Variants in DAB2IP observed in about 807,000 individuals in gnomAD.
DAB2IP encodes DAB2 interacting protein.
Under a neutral mutation model 107.2 loss-of-function variants are expected in DAB2IP, and 28 were observed. That is an observed-to-expected ratio of 0.26 (90% confidence interval 0.19 to 0.36). The LOEUF is 0.36. DAB2IP is among the 10% of genes least tolerant of loss of function. The pLI, the probability that DAB2IP is intolerant of heterozygous loss-of-function variation, is 1.00. For missense variants in DAB2IP, 1,400 were observed against 1,644.7 expected (o/e 0.85, Z 2.57); for synonymous variants, 755 against 706.4 (o/e 1.07, Z -1.09).
chr9:121,746,310 G>A (rs755509988), intron 3 of DAB2IP, among the ~76,000 whole-genome samples: 8 of 152,196 alleles, frequency 5.3e-5, no homozygotes, highest in Non-Finnish European at 1.0e-4. Context: ...GGTCAGTTGA[G>A]CCCTACAGCC....
chr9:121,572,788 G>C (rs1386128592), intron 1 of DAB2IP, among the ~76,000 whole-genome samples: 2 of 152,154 alleles, frequency 1.3e-5, no homozygotes, highest in South Asian at 2.1e-4. Context: ...ACAGGAGCGG[G>C]GGTTGGGCTC....
chr9:121,614,661 C>A (rs191773462), intron 1 of DAB2IP, among the ~76,000 whole-genome samples: 1 of 151,198 alleles, frequency 6.6e-6, no homozygotes, highest in South Asian at 2.1e-4. Flanking sequence ...TTCTGTTGTG[C>A]GGTTTCTACT....
In DAB2IP at chr9:121,760,909, T is replaced by G. The variant is rs1202290719; in HGVS notation, c.1170+470T>G. 6.6e-6 allele frequency among the ~76,000 whole-genome samples: 1 copy of G among 152,024 alleles called. No homozygotes were observed. The highest frequency in any genetic ancestry group is 1.5e-5 in the Non-Finnish European group (1 of 67,980). Reference sequence around the variant, plus strand: ...CTCACAGCTCTACCTCACCCCACACTCTCACCCAGACACACAGATTGTCAC... The same window carrying G: ...CTCACAGCTCTACCTCACCCCACACGCTCACCCAGACACACAGATTGTCAC... On this transcript the variant is annotated intron_variant, in intron 6 of 15. Coordinates refer to ENST00000408936, the Ensembl canonical transcript of DAB2IP. The surrounding 1 kb of genome is among the most constrained non-coding windows in gnomAD (Gnocchi z 5.9).
Position 121,583,957 on chromosome 9 carries a change from T to C in DAB2IP, c.40+16729T>C, listed in dbSNP as rs560677645. On this transcript the variant is annotated intron_variant, in intron 1 of 16. Coordinates refer to the DAB2IP transcript ENST00000259371. ...ACTTTGGGAGGCTGAGGTGGGAGGA[T>C]CACAAGGTCAAGAGTTTGAGACCAG... Among the ~76,000 whole-genome samples, 13 of 152,128 alleles carry C rather than the reference T, an allele frequency of 8.5e-5. No individual in the cohort carries two copies. In the South Asian group the frequency reaches 2.7e-3, roughly 32 times the overall value.
chr9:121,627,114 CT>C (rs1831676306), intron 1 of DAB2IP, among the ~76,000 whole-genome samples: 1 of 119,220 alleles, frequency 8.4e-6, no homozygotes, highest in South Asian at 3.0e-4. Context: ...TTCTTCACCC[CT>C]ACTCAACACA....
intron 1 of DAB2IP, among the ~76,000 whole-genome samples, chr9:121,595,410 T>C (rs1261058382): frequency 2.0e-5 from 3 of 149,766 alleles, no homozygotes; most frequent in African/African-American, 7.3e-5. Flanking sequence ...GTGGGCAACA[T>C]AGTGAGACCT....
At chr9:121,758,587 G>T (rs1309302314) in intron 4 of DAB2IP, among the ~76,000 whole-genome samples, 4 of 152,154 alleles carry the variant, frequency 2.6e-5, no homozygotes, top group Non-Finnish European at 2.9e-5. Context: ...CCATCTCAGG[G>T]AGAGGGAGGT....
intron 1 of DAB2IP, among the ~76,000 whole-genome samples, chr9:121,576,772 G>A (rs1011419371): frequency 3.3e-5 from 5 of 152,264 alleles, no homozygotes; most frequent in Admixed American, 6.5e-5. Context: ...GAGGGGAAAC[G>A]ATGTTCTGGG....
intron 8 of DAB2IP, among the ~76,000 whole-genome samples, chr9:121,764,757 A>T (rs1010897747): frequency 2.0e-5 from 3 of 152,130 alleles, no homozygotes; most frequent in Admixed American, 6.5e-5. Flanking sequence ...ACTCCTTGTT[A>T]GGTTCATCTC....
intron 1 of DAB2IP, among the ~76,000 whole-genome samples, chr9:121,643,238 C>T (rs940555675): frequency 6.6e-6 from 1 of 152,016 alleles, no homozygotes; most frequent in Non-Finnish European, 1.5e-5. Flanking sequence ...CCAGTCCAGC[C>T]CCACACCTGT....
At chr9:121,714,542 T>C (rs183460595) in intron 3 of DAB2IP, among the ~76,000 whole-genome samples, 468 of 152,300 alleles carry the variant, frequency 3.1e-3, no homozygotes, top group Non-Finnish European at 5.4e-3. Flanking sequence ...CAGGAGTTAC[T>C]GAGTGATGAA....
chr9:121,775,672 TTC>T (rs1160562779), intron 13 of DAB2IP, among the ~76,000 whole-genome samples: 4 of 152,040 alleles, frequency 2.6e-5, no homozygotes, highest in African/African-American at 7.2e-5. Context: ...TGCCTTTCAG[TTC>T]TCTCTCTCTC....
At chr9:121,669,245 A>G (rs910269848) in intron 1 of DAB2IP, among the ~76,000 whole-genome samples, 22 of 152,058 alleles carry the variant, frequency 1.4e-4, no homozygotes. Context: ...CTTACTTTTT[A>G]TTTTGAAATA....
intron 1 of DAB2IP, among the ~76,000 whole-genome samples, chr9:121,660,757 G>A (rs1255763113): frequency 6.6e-6 from 1 of 152,104 alleles, no homozygotes; most frequent in Non-Finnish European, 1.5e-5. Context: ...TGGATTCTTT[G>A]GGGTTAGAAC....
intron 3 of DAB2IP, among the ~76,000 whole-genome samples, chr9:121,752,609 C>G (rs947918530): frequency 6.6e-6 from 1 of 152,326 alleles, no homozygotes; most frequent in African/African-American, 2.4e-5. Context: ...GCCTGGGGCC[C>G]TGCCTGAGAC....
chr9:121,630,500 G>C (rs1831834969), intron 1 of DAB2IP, among the ~76,000 whole-genome samples: 1 of 149,310 alleles, frequency 6.7e-6, no homozygotes, highest in Non-Finnish European at 1.5e-5. Context: ...ACTCCAGCCT[G>C]GTCAACAGAG....
At chr9:121,631,392 G>A (rs532708249) in intron 1 of DAB2IP, among the ~76,000 whole-genome samples, 1 of 152,218 alleles carries the variant, frequency 6.6e-6, no homozygotes, top group African/African-American at 2.4e-5. Context: ...CAGGCTGAGA[G>A]GGACCAGACT....
chr9:121,707,489 A>T (rs917747111), intron 3 of DAB2IP, among the ~76,000 whole-genome samples: 3 of 152,014 alleles, frequency 2.0e-5, no homozygotes, highest in African/African-American at 7.2e-5. Flanking sequence ...CCTTCTCCCT[A>T]CTGTCCCAGT....
intron 3 of DAB2IP, among the ~76,000 whole-genome samples, chr9:121,734,954 T>C (rs1831788094): frequency 6.6e-6 from 1 of 152,160 alleles, no homozygotes; most frequent in Non-Finnish European, 1.5e-5. Context: ...GAGGTGGTGC[T>C]CAGAGGATGC....
Sources: allele counts gnomAD v4.1 joint callset (sites outside exome capture counted in the v4.1 genomes callset), GRCh38; gene constraint gnomAD v4.1.1; non-coding constraint Gnocchi (gnomAD v3.1); transcripts MANE v1.5; gene names NCBI Gene and HGNC (gene_info 2026-07-23, HGNC 2026-07-21).